Variants in RPS6KA2 observed in about 807,000 individuals in gnomAD.
The protein encoded by RPS6KA2 is ribosomal protein S6 kinase alpha-2.
Under a neutral mutation model 91.8 loss-of-function variants are expected in RPS6KA2, and 42 were observed. That is an observed-to-expected ratio of 0.46 (90% confidence interval 0.36 to 0.59). The LOEUF is 0.59. Ranked by LOEUF, RPS6KA2 falls within the 20% of genes least tolerant of loss-of-function variation. The pLI is 0.00. For synonymous variants in RPS6KA2, 414 were observed against 393.6 expected (o/e 1.05, Z -0.61); for missense variants, 798 against 978.5 (o/e 0.82, Z 2.46).
At chr6:166,455,242 TG>T (rs537638016) in intron 12 of RPS6KA2, among the ~76,000 whole-genome samples, 276 of 152,188 alleles carry the variant, frequency 1.8e-3, no homozygotes, top group African/African-American at 6.4e-3. Context: ...ACACGTGTTT[TG>T]TTTCTTAGCA....
chr6:166,452,513 A>G (rs1779950671), intron 12 of RPS6KA2, among the ~76,000 whole-genome samples: 1 of 152,214 alleles, frequency 6.6e-6, no homozygotes, highest in South Asian at 2.1e-4. Flanking sequence ...TGAATAGCCA[A>G]AGCAATTTTA....
intron 2 of RPS6KA2, chr6:166,701,680 G>A: frequency 2.3e-6 from 3 of 1,277,016 alleles, no homozygotes; most frequent in Non-Finnish European, 3.4e-6. Flanking sequence ...TGAGGTGGGA[G>A]GTGGCATCCC....
chr6:166,727,220 G>A (rs1333374305), intron 2 of RPS6KA2, among the ~76,000 whole-genome samples: 1 of 151,920 alleles, frequency 6.6e-6, no homozygotes, highest in Non-Finnish European at 1.5e-5. Context: ...AACAGGCCAT[G>A]GAATCATTCT....
chr6:166,776,295 C>T (rs186829092), intron 2 of RPS6KA2, among the ~76,000 whole-genome samples: 2 of 152,326 alleles, frequency 1.3e-5, no homozygotes, highest in East Asian at 3.9e-4. Flanking sequence ...GATTAACCCA[C>T]AGGCTCCAGA....
At chr6:166,698,089 C>T (rs947203518) in intron 2 of RPS6KA2, among the ~76,000 whole-genome samples, 12 of 152,000 alleles carry the variant, frequency 7.9e-5, no homozygotes, top group Admixed American at 3.3e-4. Context: ...CTGTCTGTGC[C>T]GTGCAATGGG....
At chr6:166,517,641 A>G (rs1045739687) in intron 3 of RPS6KA2, among the ~76,000 whole-genome samples, 1 of 146,038 alleles carries the variant, frequency 6.8e-6, no homozygotes, top group African/African-American at 2.6e-5. Context: ...GCGCCCGGCT[A>G]ATTTTTTGTA....
At chr6:166,472,700 T>G (rs1780816483) in intron 10 of RPS6KA2, among the ~76,000 whole-genome samples, 1 of 152,178 alleles carries the variant, frequency 6.6e-6, no homozygotes, top group South Asian at 2.1e-4. Context: ...CTGAACCCAC[T>G]GGACAAATGA....
intron 1 of RPS6KA2, among the ~76,000 whole-genome samples, chr6:166,860,053 C>T (rs1781008076): frequency 6.6e-6 from 1 of 152,110 alleles, no homozygotes; most frequent in Non-Finnish European, 1.5e-5. Flanking sequence ...ATTTTAATAC[C>T]ATGCAACATA....
intron 1 of RPS6KA2, among the ~76,000 whole-genome samples, chr6:166,610,685 G>A (rs187036518): frequency 4.3e-4 from 65 of 152,264 alleles, no homozygotes; most frequent in African/African-American, 1.5e-3. Context: ...AAAAGGCAGC[G>A]CTGCCAAATA....
At position 166,835,388 on chromosome 6, in the gene RPS6KA2, C is replaced by A. The variant is rs185365010; in HGVS notation, c.123+22812G>T. ...TCAGTTTGGAAAATCAGCACCCTAA[C>A]AACACTAAGTCTTCTGATCATGACC... On this transcript the variant is annotated intron_variant, in intron 2 of 21. Coordinates refer to the RPS6KA2 transcript ENST00000503859. Among the ~76,000 whole-genome samples, 36 of 152,320 alleles carry A rather than the reference C, an allele frequency of 2.4e-4. 2 individuals carry two copies. The East Asian group carries it at 6.8e-3, about 29-fold the overall frequency.
At chr6:166,638,794 G>A (rs549908385) in intron 2 of RPS6KA2, among the ~76,000 whole-genome samples, 14 of 152,212 alleles carry the variant, frequency 9.2e-5, no homozygotes, top group Admixed American at 4.6e-4. Flanking sequence ...GGTTGAGGCC[G>A]GGCACTGCTG....
chr6:166,464,401 C>T (rs2128462261), intron 11 of RPS6KA2, among the ~76,000 whole-genome samples: 1 of 152,326 alleles, frequency 6.6e-6, no homozygotes, highest in African/African-American at 2.4e-5. Flanking sequence ...TAAACATGAG[C>T]TACTAGTATT....
chr6:166,766,139 T>C (rs1040099973), intron 2 of RPS6KA2, among the ~76,000 whole-genome samples: 1 of 152,220 alleles, frequency 6.6e-6, no homozygotes, highest in African/African-American at 2.4e-5. Flanking sequence ...GTTTGATTAA[T>C]GGATTGAATA....
At chr6:166,654,544 A>G (rs1369826754) in intron 2 of RPS6KA2, among the ~76,000 whole-genome samples, 1 of 152,180 alleles carries the variant, frequency 6.6e-6, no homozygotes, top group African/African-American at 2.4e-5. Context: ...CAATGTCCCC[A>G]GTTTCCCCCC....
Position 166,453,550 on chromosome 6 carries a change from T to C in RPS6KA2, c.1076-2317A>G, listed in dbSNP as rs141821191. On this transcript the variant is annotated intron_variant, in intron 12 of 20. Coordinates refer to ENST00000265678, the MANE Select transcript of RPS6KA2 (RefSeq NM_021135.6). The stretch of plus-strand genomic sequence containing the variant: ...ACCTTACATCAGTCAGAATGGCTAT[T>C]ACTAAAAAGTCAAAAAAATAACAGA... Among the ~76,000 whole-genome samples, 765 of 152,324 alleles carry C rather than the reference T, an allele frequency of 5.0e-3. 9 individuals are homozygous for C. The highest frequency in any genetic ancestry group is 0.018 in the African/African-American group (730 of 41,572).
chr6:166,764,805 G>A (rs140135093), intron 2 of RPS6KA2, among the ~76,000 whole-genome samples: 127 of 151,052 alleles, frequency 8.4e-4, no homozygotes, highest in Non-Finnish European at 1.5e-3. Context: ...AAGCACCTGC[G>A]TAAACACGTG....
intron 2 of RPS6KA2, among the ~76,000 whole-genome samples, chr6:166,836,446 TAC>T (rs1780317919): frequency 1.0e-5 from 1 of 98,066 alleles, no homozygotes; most frequent in African/African-American, 3.0e-5. Flanking sequence ...TGAGTAAATA[TAC>T]ATGTTAATTA....
At chr6:166,633,998 T>G (rs1787160102) in intron 2 of RPS6KA2, among the ~76,000 whole-genome samples, 1 of 152,138 alleles carries the variant, frequency 6.6e-6, no homozygotes, top group Non-Finnish European at 1.5e-5. Context: ...AAGAGCAGCT[T>G]GCGCAAAGGC....
At chr6:166,424,399 G>A (rs1036902112) in intron 16 of RPS6KA2, among the ~76,000 whole-genome samples, 1 of 152,218 alleles carries the variant, frequency 6.6e-6, no homozygotes, top group African/African-American at 2.4e-5. Flanking sequence ...GAATATTCCC[G>A]TTTGGAGATG....
Sources: allele counts gnomAD v4.1 joint callset (sites outside exome capture counted in the v4.1 genomes callset), GRCh38; gene constraint gnomAD v4.1.1; transcripts MANE v1.5; gene names NCBI Gene and HGNC (gene_info 2026-07-23, HGNC 2026-07-21).